Variants in FUS observed in about 807,000 individuals in gnomAD.
The protein encoded by FUS is RNA-binding protein FUS.
FUS carries 5 observed loss-of-function variants against 82.7 expected under a neutral mutation model. The ratio of observed to expected loss-of-function variants is 0.06; its 90% CI spans 0.03 to 0.13. FUS has a LOEUF of 0.13. Among genes scored for constraint, FUS ranks in the 10% least tolerant of loss-of-function variants. The pLI is 1.00. For missense variants in FUS, 512 were observed against 707.8 expected, an observed-to-expected ratio of 0.72 and a Z score of 3.14; for synonymous variants, 281 against 247.4, an observed-to-expected ratio of 1.14 and a Z score of -1.27.
chr16:31,193,032 G>C (rs769205336), downstream of FUS: 1 of 484,378 alleles, frequency 2.1e-6, no homozygotes, highest in Non-Finnish European at 4.1e-6. Context: ...CACGTTTTTC[G>C]GCTTACCGCA....
intron 5 of FUS, 145 bp from the exon 6 acceptor site, chr16:31,184,794 G>C: frequency 1.2e-6 from 1 of 845,528 alleles, no homozygotes; most frequent in East Asian, 2.4e-5. Context: ...TAGCTTAAAA[G>C]AGGGTTCCTG....
At chr16:31,187,245 C>T (rs943417824) in intron 7 of FUS, 4 of 302,530 alleles carry the variant, frequency 1.3e-5, no homozygotes, top group South Asian at 7.0e-5. Flanking sequence ...GAGACAACTC[C>T]GAATGTTTAA....
rs1359682276 is a variant in FUS, at chr16:31,184,337, A to G, written c.464A>G (p.Tyr155Cys). The G allele has an allele frequency of 1.2e-6, 2 of 1,613,776 alleles. No individual in the cohort carries two copies. The highest frequency in any genetic ancestry group is 1.1e-5 in the South Asian group (1 of 91,074). The change falls in exon 5 of 15, where the codon TAT becomes TGT. Residue 155 changes from tyrosine to cysteine, a missense_variant. Around this residue, in one of 6 missense-constraint regions of FUS, gnomAD observed 276 missense variants for 303.3 expected, o/e 0.91. Coordinates refer to ENST00000254108, the MANE Select transcript of FUS (RefSeq NM_004960.4). ...QQQSYNPPQG[Y>C]GQQNQYNSSS... Reference sequence around the variant, plus strand: ...CAAAGCTATAATCCCCCTCAGGGCTATGGACAGCAGAACCAGTACAACAGC... The same window carrying G: ...CAAAGCTATAATCCCCCTCAGGGCTGTGGACAGCAGAACCAGTACAACAGC...
intron 1 of FUS, among the ~76,000 whole-genome samples, chr16:31,180,853 G>A (rs2058048175): frequency 6.6e-6 from 1 of 152,174 alleles, no homozygotes; most frequent in African/African-American, 2.4e-5. Context: ...GTTTGGCGGC[G>A]GTGGTCAGGG....
At chr16:31,188,194 A>G (rs1273973075) in intron 7 of FUS, 131 bp from the exon 8 acceptor site, 20 of 945,580 alleles carry the variant, frequency 2.1e-5, no homozygotes, top group Non-Finnish European at 3.2e-5. Flanking sequence ...GGCTGTGAGC[A>G]CTTACTTGAT....
chr16:31,193,099 C>T (rs1452704924), downstream of FUS: 1 of 483,864 alleles, frequency 2.1e-6, no homozygotes, highest in African/African-American at 2.0e-5. Context: ...GCCACCATGC[C>T]CAGCTAATTT....
intron 3 of FUS, chr16:31,183,376 C>T (rs2079210677): frequency 6.1e-6 from 1 of 163,176 alleles, no homozygotes; most frequent in Non-Finnish European, 1.4e-5. Context: ...TCTTATTTTC[C>T]ATCAGCATGA....
chr16:31,192,572 A>G (rs1567480862), downstream of FUS: 1 of 491,558 alleles, frequency 2.0e-6, no homozygotes, highest in East Asian at 4.6e-5. Context: ...TTTATTTTTT[A>G]TTTTTAGAGA....
downstream of FUS, chr16:31,194,346 T>G (rs1358086777): frequency 3.8e-6 from 2 of 521,938 alleles, no homozygotes; most frequent in Admixed American, 4.5e-5. Flanking sequence ...TGGATTGCAG[T>G]GGTGTGATCT....
chr16:31,190,858 C>T lies in FUS; in HGVS notation c.1393+16C>T, dbSNP rs1339247275. 1.2e-6 allele frequency: 2 copies of T among 1,613,556 alleles called. No homozygotes were observed. The highest frequency in any genetic ancestry group is 1.7e-6 in the Non-Finnish European group (2 of 1,179,562). On this transcript the variant is annotated intron_variant, in intron 13 of 14. Coordinates refer to ENST00000254108, the MANE Select transcript of FUS (RefSeq NM_004960.4). Reference sequence around the variant, plus strand: ...TCTCACATGGGTAAGAAAGGCAGACCTGGTGCTAGGGAGCTGGGACCAAAG... The same window carrying T: ...TCTCACATGGGTAAGAAAGGCAGACTTGGTGCTAGGGAGCTGGGACCAAAG...
At chr16:31,187,217 G>T (rs555500490) in intron 7 of FUS, 2 of 354,260 alleles carry the variant, frequency 5.6e-6, no homozygotes, top group East Asian at 8.4e-5. Context: ...CAAGGCTTGT[G>T]TGTGTGTGAG....
At chr16:31,181,008 G>A (rs938010295) in intron 1 of FUS, among the ~76,000 whole-genome samples, 2 of 152,146 alleles carry the variant, frequency 1.3e-5, no homozygotes, top group Non-Finnish European at 2.9e-5. Flanking sequence ...CACCTCCTGG[G>A]TTCAAGTGAT....
At chr16:31,189,863 T>C in intron 10 of FUS, 69 bp downstream of exon 10, 1 of 1,611,692 alleles carries the variant, frequency 6.2e-7, no homozygotes, top group Non-Finnish European at 8.5e-7. Context: ...AAACAAGCCA[T>C]AGTTTGAGGG....
Position 31,186,847 on chromosome 16 carries a change from A to G in FUS, c.799+11A>G, listed in dbSNP as rs1359532494. 6.2e-7 allele frequency: 1 copy of G among 1,612,522 alleles called. No individual in the cohort carries two copies. The highest frequency in any genetic ancestry group is 8.5e-7 in the Non-Finnish European group (1 of 1,178,588). ...TCAATAAATTTGGTGGTAAGTGAAC[A>G]GAGTTTCCAAAATTCCCAACTCCCA... On this transcript the variant is annotated intron_variant, in intron 7 of 14. Coordinates refer to ENST00000254108, the MANE Select transcript of FUS (RefSeq NM_004960.4).
In FUS at chr16:31,188,471, A is replaced by G. The variant is rs937608528; in HGVS notation, c.832+114A>G. 3.3e-5 allele frequency: 37 copies of G among 1,113,858 alleles called. 1 individual carries two copies. Among genetic ancestry groups the G allele is most frequent in the Non-Finnish European group, 4.4e-5 (32 of 729,290 alleles). The allele number at this position is 1,113,858 out of a possible 1,614,324, so 69.0% of individuals were successfully genotyped here. A position where few individuals can be genotyped will look rare whatever the true frequency, so the allele number is the denominator to read the frequency against. The stretch of plus-strand genomic sequence containing the variant: ...CTGAAAAAAATGGGGATAGAGAAGG[A>G]AGGGAGTTAGGTGTGTCCTTAGTTA... On this transcript the variant is annotated intron_variant, in intron 8 of 14. Transcript: ENST00000254108.
chr16:31,182,415 A>T lies in FUS; in HGVS notation c.31A>T (p.Thr11Ser), dbSNP rs750230722. ...TTTTGCAGATTATACCCAACAAGCA[A>T]CCCAAAGGTGAGTGCTATTTTTGGG... MASNDYTQQATQSYGAYPTQP... is the reference protein window; with the variant it reads MASNDYTQQASQSYGAYPTQP... Residue 11 changes from threonine to serine, a missense_variant, in exon 2 of 15, where the codon ACC (threonine) becomes TCC (serine). Thr to Ser is a moderately conservative substitution (Grantham distance 58). This residue lies in a region of FUS where 276 missense variants were observed against 303.3 expected (regional missense o/e 0.91). Coordinates refer to ENST00000254108, the MANE Select transcript of FUS (RefSeq NM_004960.4). 1 of 1,614,192 alleles carries T rather than the reference A, an allele frequency of 6.2e-7. No individual in the cohort carries two copies. Among genetic ancestry groups the T allele is most frequent in the Non-Finnish European group, 8.5e-7 (1 of 1,180,030 alleles).
Position 31,190,282 on chromosome 16 carries a change from G to A in FUS, c.1176G>A (p.Met392Ile), listed in dbSNP as rs751937417. Residue 392 changes from methionine (M) to isoleucine (I), a missense_variant, in exon 12 of 15, where the codon ATG becomes ATA. Coordinates refer to ENST00000254108, the MANE Select transcript of FUS (RefSeq NM_004960.4). ...GRGGRGRGGP[M>I]GRGGYGGGGS... is the part of the protein sequence containing the mutation. ...TTGGTCTATCTGCATTAGGACCCAT[G>A]GGCCGTGGAGGCTATGGAGGTGGTG... 34 of 1,614,146 alleles carry A rather than the reference G, an allele frequency of 2.1e-5. No homozygotes were observed. In the East Asian group the frequency reaches 7.4e-4, roughly 35 times the overall value.
intron 10 of FUS, 59 bp from the exon 11 acceptor site, chr16:31,189,981 T>TAA: frequency 6.4e-7 from 1 of 1,565,784 alleles, no homozygotes; most frequent in Non-Finnish European, 8.7e-7. Flanking sequence ...GCTTCTCTTG[T>TAA]ATTTTCGGAT....
intron 6 of FUS, chr16:31,185,856 T>TA (rs1464922694): frequency 7.8e-5 from 21 of 268,960 alleles, no homozygotes; most frequent in Non-Finnish European, 1.3e-4. Flanking sequence ...CTTCTTTCCT[T>TA]CCTGCTGAAG....
Sources: gnomAD v4.1 joint callset for allele counts (sites outside exome capture counted in the v4.1 genomes callset) on GRCh38, gnomAD v4.1.1 for gene constraint, gnomAD v4.1.1 regional missense constraint, MANE v1.5 for transcripts, NCBI Gene and HGNC (gene_info 2026-07-23, HGNC 2026-07-21) for gene names.